CNTNAP2: variants seen among roughly 807,000 people sequenced by gnomAD.
CNTNAP2 encodes contactin-associated protein-like 2.
A neutral mutation model predicts 155.2 loss-of-function variants in CNTNAP2; 98 were observed. The ratio of observed to expected loss-of-function variants is 0.63; its 90% confidence interval spans 0.54 to 0.75. The LOEUF (loss-of-function observed/expected upper bound fraction) is 0.75, where lower values mean the gene tolerates loss of function less well. Ranked by LOEUF, CNTNAP2 falls within the 30% of genes least tolerant of loss-of-function variation. The pLI is 0.00. For missense variants in CNTNAP2, 1,727 were observed against 1,688.1 expected (o/e 1.02, Z -0.40); for synonymous variants, 651 against 631.2 (o/e 1.03, Z -0.47).
At chr7:146,691,574 G>C (rs920300595) in intron 1 of CNTNAP2, among the ~76,000 whole-genome samples, 5 of 152,088 alleles carry the variant, frequency 3.3e-5, no homozygotes, top group African/African-American at 7.2e-5. Flanking sequence ...ATTTGCTTTT[G>C]CACCATCATA....
At chr7:147,073,848 A>G (rs1360938442) in intron 4 of CNTNAP2, among the ~76,000 whole-genome samples, 1 of 152,132 alleles carries the variant, frequency 6.6e-6, no homozygotes, top group African/African-American at 2.4e-5. Flanking sequence ...ACGGAAATTT[A>G]AACCTGGGTG....
chr7:146,341,846 T>C, intron 1 of CNTNAP2, among the ~76,000 whole-genome samples: 1 of 152,196 alleles, frequency 6.6e-6, no homozygotes, highest in East Asian at 1.9e-4. Flanking sequence ...CTGAATGCAT[T>C]TTGATTCTCA....
rs575461425 is a variant in CNTNAP2, at chr7:146,739,101, C to A, written c.98-35170C>A. On this transcript the variant is annotated intron_variant, in intron 1 of 23. Coordinates refer to ENST00000361727, the MANE Select transcript of CNTNAP2 (RefSeq NM_014141.6). ...AAAATCAACTCTTAGTTTTGTTGAT[C>A]TTTTCTATCACTTTTCTAGTCTCTA... Among the ~76,000 whole-genome samples, 16 of 151,788 alleles carry A rather than the reference C, an allele frequency of 1.1e-4. No individual in the cohort carries two copies. In the South Asian group the frequency reaches 3.3e-3, roughly 31 times the overall value.
intron 21 of CNTNAP2, among the ~76,000 whole-genome samples, chr7:148,287,787 C>CTTTTTTTTT (rs1230237736): frequency 1.5e-5 from 1 of 64,902 alleles, no homozygotes; most frequent in African/African-American, 6.5e-5. Context: ...TTCTTTCTTT[C>CTTTTTTTTT]TTTTTTTCTT....
At chr7:146,648,797 C>A (rs577296689) in intron 1 of CNTNAP2, among the ~76,000 whole-genome samples, 1 of 151,954 alleles carries the variant, frequency 6.6e-6, no homozygotes, top group Admixed American at 6.6e-5. Flanking sequence ...TTATTGGAAG[C>A]AAATTAATGT....
chr7:147,012,596 G>A (rs1798647574), intron 3 of CNTNAP2, among the ~76,000 whole-genome samples: 1 of 152,084 alleles, frequency 6.6e-6, no homozygotes, highest in African/African-American at 2.4e-5. Context: ...TAATTTTAGA[G>A]AGTTTTAATT....
intron 13 of CNTNAP2, among the ~76,000 whole-genome samples, chr7:147,790,190 T>C (rs1563090121): frequency 6.6e-6 from 1 of 152,134 alleles, no homozygotes. Flanking sequence ...GGAAGAGCCT[T>C]CCTCAACTGT....
At chr7:146,966,857 A>T (rs1797668138) in intron 3 of CNTNAP2, among the ~76,000 whole-genome samples, 1 of 152,218 alleles carries the variant, frequency 6.6e-6, no homozygotes, top group Admixed American at 6.5e-5. Context: ...TTGTATACTA[A>T]ATAGTGTAAA....
chr7:147,909,365 A>C (rs757624486), intron 14 of CNTNAP2, among the ~76,000 whole-genome samples: 10 of 152,144 alleles, frequency 6.6e-5, no homozygotes, highest in Non-Finnish European at 1.0e-4. Context: ...TTTTCTAAGA[A>C]CTCTAAAACT....
intron 11 of CNTNAP2, among the ~76,000 whole-genome samples, chr7:147,511,220 G>A (rs1799014745): frequency 6.6e-6 from 1 of 151,930 alleles, no homozygotes; most frequent in Non-Finnish European, 1.5e-5. Flanking sequence ...TATTATGTCA[G>A]TGACAAAAGG....
At chr7:146,780,729 G>A (rs777620106) in intron 2 of CNTNAP2, among the ~76,000 whole-genome samples, 10 of 151,994 alleles carry the variant, frequency 6.6e-5, no homozygotes, top group Admixed American at 6.6e-4. Flanking sequence ...GCAGGGACAT[G>A]GATGAAGCTG....
chr7:148,354,702 C>G (rs1310042043), intron 21 of CNTNAP2, among the ~76,000 whole-genome samples: 1 of 150,234 alleles, frequency 6.7e-6, no homozygotes, highest in African/African-American at 2.5e-5. Flanking sequence ...TTTTTAACCA[C>G]TTTTCCAAAG....
chr7:148,029,267 A>G (rs1217663169), intron 15 of CNTNAP2, among the ~76,000 whole-genome samples: 2 of 152,224 alleles, frequency 1.3e-5, no homozygotes, highest in African/African-American at 2.4e-5. Context: ...GTCAGTGATA[A>G]ATTTCACCAA....
chr7:146,940,098 G>T (rs1259398361), intron 3 of CNTNAP2, among the ~76,000 whole-genome samples: 2 of 152,078 alleles, frequency 1.3e-5, no homozygotes, highest in Admixed American at 1.3e-4. Context: ...CATAGAGTTA[G>T]AATTTTACAT....
At chr7:147,891,204 T>C (rs1393156658) in intron 13 of CNTNAP2, among the ~76,000 whole-genome samples, 1 of 123,124 alleles carries the variant, frequency 8.1e-6, no homozygotes, top group East Asian at 2.5e-4. Flanking sequence ...AATCAACAAA[T>C]AGATTTTTTT....
chr7:146,910,888 A>G (rs1258164912), intron 3 of CNTNAP2, among the ~76,000 whole-genome samples: 1 of 150,802 alleles, frequency 6.6e-6, no homozygotes, highest in Admixed American at 6.6e-5. Context: ...ATGGGAGAAA[A>G]TTTTCGCAAC....
intron 14 of CNTNAP2, among the ~76,000 whole-genome samples, chr7:147,974,897 C>T (rs1366783675): frequency 6.6e-6 from 1 of 151,828 alleles, no homozygotes; most frequent in Non-Finnish European, 1.5e-5. Context: ...TAGCCAAACA[C>T]TGGAAACATC....
intron 3 of CNTNAP2, among the ~76,000 whole-genome samples, chr7:146,988,737 T>C (rs1006177387): frequency 6.6e-6 from 1 of 152,176 alleles, no homozygotes; most frequent in Non-Finnish European, 1.5e-5. Flanking sequence ...GAACATTGTT[T>C]AAAAGAAATC....
At chr7:147,296,756 G>A (rs114231029) in intron 8 of CNTNAP2, among the ~76,000 whole-genome samples, 1,637 of 152,192 alleles carry the variant, frequency 0.011, 31 homozygotes, top group African/African-American at 0.037. Flanking sequence ...GGAGAGGGGA[G>A]GTGAGACAAG....
Sources: allele counts gnomAD v4.1 joint callset (sites outside exome capture counted in the v4.1 genomes callset), GRCh38; gene constraint gnomAD v4.1.1; transcripts MANE v1.5; gene names NCBI Gene and HGNC (gene_info 2026-07-23, HGNC 2026-07-21).